The following DYNC1LI2 variants were observed in gnomAD, a reference collection of about 807,000 sequenced individuals.
DYNC1LI2 encodes dynein cytoplasmic 1 light intermediate chain 2.
DYNC1LI2 carries 19 observed loss-of-function variants against 57.8 expected under a neutral mutation model. The observed-to-expected ratio is 0.33, with a 90% CI of 0.23 to 0.48. The LOEUF is 0.48. Ranked by LOEUF, DYNC1LI2 falls within the 20% of genes least tolerant of loss-of-function variation. The pLI, the probability that DYNC1LI2 is intolerant of heterozygous loss-of-function variation, is 0.99. For synonymous variants in DYNC1LI2, 256 were observed against 233.4 expected (o/e 1.10, Z -0.88); for missense variants, 470 against 604.2 (o/e 0.78, Z 2.33).
At chr16:66,732,722 A>C (rs2017660454) in intron 6 of DYNC1LI2, 1 of 347,060 alleles carries the variant, frequency 2.9e-6, no homozygotes, top group African/African-American at 2.1e-5. Flanking sequence ...AAAAGCATAA[A>C]GCTATGTTGA....
At chr16:66,726,710 C>A (rs1019085500) in intron 11 of DYNC1LI2, among the ~76,000 whole-genome samples, 1 of 152,158 alleles carries the variant, frequency 6.6e-6, no homozygotes, top group Non-Finnish European at 1.5e-5. Flanking sequence ...GGCACAATCT[C>A]GGCTCACTGC....
chr16:66,740,225 C>A (rs1011498491), intron 4 of DYNC1LI2, among the ~76,000 whole-genome samples: 3 of 152,178 alleles, frequency 2.0e-5, no homozygotes, highest in Admixed American at 6.5e-5. Context: ...GGGAACCTAA[C>A]CCTAAAAGAG....
rs369144927 is a variant in DYNC1LI2, at chr16:66,728,292, C to T, written c.1102-50G>A. 8.7e-6 allele frequency: 14 copies of T among 1,609,210 alleles called. No homozygotes were observed. The African/African-American group carries it at 1.1e-4, about 12-fold the overall frequency. ...TATTAACCAAGGCCTGCAGAGAGCA[C>T]TGAAGGTCTAGAGAAAAACTTACTC... is the stretch of plus-strand genomic sequence containing the variant. On this transcript the variant is annotated intron_variant, in intron 9 of 12. Transcript: ENST00000258198.
chr16:66,731,072 T>C (rs1379997913), intron 7 of DYNC1LI2: 1 of 152,216 alleles, frequency 6.6e-6, no homozygotes, highest in Non-Finnish European at 1.5e-5. Context: ...CTTGCTGACT[T>C]TGCCAGTCAC....
Position 66,723,651 on chromosome 16 carries a change from A to T in DYNC1LI2, c.*71T>A. 1 of 1,426,398 alleles carries T rather than the reference A, an allele frequency of 7.0e-7. No individual in the cohort carries two copies. Among genetic ancestry groups the T allele is most frequent in the Non-Finnish European group, 9.6e-7 (1 of 1,046,156 alleles). 88.4% of individuals were successfully genotyped at this position (1,426,398 alleles called of 1,614,324 possible). A position where few individuals can be genotyped will look rare whatever the true frequency, so the allele number is the denominator to read the frequency against. ...AACTGATAGCATGTGCCATATCAGA[A>T]AAATCCTGGTCTTAGCAGATCAATA... On this transcript the variant is annotated 3_prime_UTR_variant, in exon 13 of 13. Coordinates refer to ENST00000258198, the MANE Select transcript of DYNC1LI2 (RefSeq NM_006141.3).
intron 7 of DYNC1LI2, 53 bp downstream of exon 7, chr16:66,732,286 G>C: frequency 1.3e-6 from 2 of 1,591,870 alleles, no homozygotes; most frequent in Admixed American, 1.8e-5. Context: ...AATGTAAAAA[G>C]CAAATGTACT....
rs984738413 is a variant in DYNC1LI2 at position 66,721,106 on chromosome 16, C to A, written c.*2616G>T. ...ACAGACGACAGTGAACTTTCACTTACAGCATTAACATTGTTAAGGTCATGA... is the reference window on the plus strand; with the variant it reads ...ACAGACGACAGTGAACTTTCACTTAAAGCATTAACATTGTTAAGGTCATGA... On this transcript the variant is annotated 3_prime_UTR_variant, in exon 13 of 13. Transcript: ENST00000258198. The A allele has an allele frequency of 6.6e-6, 1 of 152,610 alleles. No homozygotes were observed. Among genetic ancestry groups the A allele is most frequent in the African/African-American group, 2.4e-5 (1 of 41,448 alleles). The allele number at this position is 152,610 out of a possible 1,614,324, so 9.5% of individuals were successfully genotyped here.
At chr16:66,746,666 A>T (rs538113244) in intron 3 of DYNC1LI2, among the ~76,000 whole-genome samples, 282 of 152,348 alleles carry the variant, frequency 1.9e-3, no homozygotes, top group African/African-American at 6.5e-3. Flanking sequence ...GGCTATAGAG[A>T]TTCACAGATT....
At chr16:66,739,148 C>T (rs868327397) in intron 4 of DYNC1LI2, 14 of 152,154 alleles carry the variant, frequency 9.2e-5, no homozygotes, top group African/African-American at 2.7e-4. Flanking sequence ...CCGAAGATCT[C>T]GTGAGGCACT....
intron 4 of DYNC1LI2, among the ~76,000 whole-genome samples, chr16:66,741,368 T>C (rs1213240443): frequency 1.3e-5 from 2 of 152,200 alleles, no homozygotes; most frequent in African/African-American, 4.8e-5. Flanking sequence ...TGAGCTGAGC[T>C]GCATAACAAT....
At chr16:66,749,095 C>A in intron 3 of DYNC1LI2, 102 bp downstream of exon 3, 1 of 1,158,484 alleles carries the variant, frequency 8.6e-7, no homozygotes, top group Non-Finnish European at 1.3e-6. Context: ...GAGAACCAAA[C>A]AGAAAACTGA....
intron 9 of DYNC1LI2, among the ~76,000 whole-genome samples, 153 bp from the exon 10 acceptor site, chr16:66,728,395 T>G (rs539446237): frequency 6.6e-6 from 1 of 152,264 alleles, no homozygotes; most frequent in South Asian, 2.1e-4. Context: ...AAATTTTAAT[T>G]GAGCCGTTTG....
Position 66,751,252 on chromosome 16 carries a change from C to T in DYNC1LI2, c.181+21G>A. Reference sequence around the variant, plus strand: ...CGCCCACCCCAGCGACCTGGGGCAACGCCCCGCCGCCGGCGCTCACCGAAG... The same window carrying T: ...CGCCCACCCCAGCGACCTGGGGCAATGCCCCGCCGCCGGCGCTCACCGAAG... On this transcript the variant is annotated intron_variant, in intron 2 of 12. Transcript: ENST00000258198. This position sits in a 1 kb window ranked among gnomAD's most constrained non-coding sequence, Gnocchi z 5.2. 2 of 1,607,918 alleles carry T rather than the reference C, an allele frequency of 1.2e-6. No homozygotes were observed. Among genetic ancestry groups the T allele is most frequent in the South Asian group, 1.1e-5 (1 of 90,324 alleles).
chr16:66,727,614 C>T lies in DYNC1LI2; in HGVS notation c.1261+74G>A, dbSNP rs1203155242. ...TGAGTCTCCACCTTATAGACTCAGC[C>T]ACCCAGCCCCTGCAGGGCTCAGGTC... On this transcript the variant is annotated intron_variant, in intron 11 of 12. Transcript: ENST00000258198. 1.2e-5 allele frequency: 18 copies of T among 1,447,988 alleles called. No homozygotes were observed. In the Admixed American group the frequency reaches 2.4e-4, roughly 20 times the overall value. The allele number at this position is 1,447,988 out of a possible 1,614,324, so 89.7% of individuals were successfully genotyped here.
intron 9 of DYNC1LI2, among the ~76,000 whole-genome samples, chr16:66,728,609 A>G (rs575429182): frequency 6.6e-6 from 1 of 152,334 alleles, no homozygotes; most frequent in South Asian, 2.1e-4. Context: ...AGAAATGGGA[A>G]GTCTGCATTC....
chr16:66,748,305 A>C (rs4384598), intron 3 of DYNC1LI2, among the ~76,000 whole-genome samples: 1 of 137,342 alleles, frequency 7.3e-6, no homozygotes, highest in Admixed American at 7.6e-5. Flanking sequence ...AAAAAAAAAA[A>C]CTAACATAAA....
chr16:66,743,503 G>A (rs1260367441), intron 3 of DYNC1LI2, among the ~76,000 whole-genome samples: 1 of 144,626 alleles, frequency 6.9e-6, no homozygotes, highest in East Asian at 2.1e-4. Context: ...AGATGTTGCA[G>A]TGAGTCGAGA....
At chr16:66,742,724 C>T (rs1291778952) in intron 3 of DYNC1LI2, 56 bp from the exon 4 acceptor site, 7 of 1,540,316 alleles carry the variant, frequency 4.5e-6, no homozygotes, top group Non-Finnish European at 6.2e-6. Flanking sequence ...ATCAGCATAG[C>T]TGCAGAAACA....
rs1419282769 is a variant in DYNC1LI2 at position 66,722,906 on chromosome 16, T to C, written c.*816A>G. The C allele has an allele frequency of 1.3e-5, 2 of 154,368 alleles. No homozygotes were observed. Among genetic ancestry groups the C allele is most frequent in the African/African-American group, 4.8e-5 (2 of 41,456 alleles). 9.6% of individuals were successfully genotyped at this position (154,368 alleles called of 1,614,324 possible). On this transcript the variant is annotated 3_prime_UTR_variant, in exon 13 of 13. Transcript: ENST00000258198. ...ACAACAAAATTCAAAGTAAACTAAT[T>C]CTGTAACTGCTGACTTTGAAGACAT...
Sources: allele counts gnomAD v4.1 joint callset (sites outside exome capture counted in the v4.1 genomes callset), GRCh38; gene constraint gnomAD v4.1.1; non-coding constraint Gnocchi (gnomAD v3.1); transcripts MANE v1.5; gene names NCBI Gene and HGNC (gene_info 2026-07-23, HGNC 2026-07-21).